The following NUP98 variants were observed in gnomAD, a reference collection of about 807,000 sequenced individuals.
NUP98 encodes nuclear pore complex protein Nup98-Nup96.
In NUP98, 26 loss-of-function variants were observed where a neutral mutation model predicts 191.9. That is an observed-to-expected ratio of 0.14 (90% CI 0.10 to 0.19). The LOEUF (loss-of-function observed/expected upper bound fraction) is 0.19, where lower values mean the gene tolerates loss of function less well. NUP98 is among the 10% of genes least tolerant of loss of function. The pLI is 1.00. For missense variants in NUP98, 1,941 were observed against 2,178.8 expected, an observed-to-expected ratio of 0.89 and a Z score of 2.17; for synonymous variants, 808 against 778.4, an observed-to-expected ratio of 1.04 and a Z score of -0.63.
intron 12 of NUP98, among the ~76,000 whole-genome samples, chr11:3,743,296 C>T (rs546289190): frequency 1.8e-4 from 27 of 149,134 alleles, no homozygotes; most frequent in African/African-American, 4.2e-4. Flanking sequence ...GGATTATAGG[C>T]GTGGGCCACC....
chr11:3,790,662 G>A (rs2082304359), intron 1 of NUP98, among the ~76,000 whole-genome samples: 1 of 152,102 alleles, frequency 6.6e-6, no homozygotes, highest in African/African-American at 2.4e-5. Flanking sequence ...ATTCTTCACT[G>A]TCACCCATTT....
At chr11:3,678,670 G>A (rs1177549106) in intron 31 of NUP98, among the ~76,000 whole-genome samples, 1 of 152,196 alleles carries the variant, frequency 6.6e-6, no homozygotes, top group Non-Finnish European at 1.5e-5. Context: ...AGTACAGCAG[G>A]CTAGCAAGGC....
In NUP98 at chr11:3,688,820, C is replaced by CATATATAT. The variant is rs71041372; in HGVS notation, c.4454+2519_4454+2526dup. ...AAATATATATATGTATTTAAATATA[C>CATATATAT]ATATATATATATATATATATATTTA... On this transcript the variant is annotated intron_variant, in intron 28 of 32. Coordinates refer to ENST00000324932, the MANE Select transcript of NUP98 (RefSeq NM_016320.5). Among the ~76,000 whole-genome samples the CATATATAT allele has an allele frequency of 7.5e-3, 1,024 of 136,244 alleles. 7 individuals are homozygous for CATATATAT. The highest frequency in any genetic ancestry group is 0.019 in the Middle Eastern group (5 of 264). The allele number at this position is 136,244 out of a possible 152,430, so 89.4% of individuals were successfully genotyped here. A position where few individuals can be genotyped will look rare whatever the true frequency, so the allele number is the denominator to read the frequency against.
chr11:3,700,722 A>G lies in NUP98; in HGVS notation c.3630T>C (p.Thr1210=), dbSNP rs748765885. Residue 1210 remains threonine, a synonymous_variant, in exon 24 of 33, where the codon ACT becomes ACC. Transcript: ENST00000324932. ...TPLELKLKHS[T]VHVDELCPLI... ...GAGGACACAGTTCATCCACATGGAC[A>G]GTGCTGTGTTTTAATTTGAGCTCCA... 6.2e-7 allele frequency: 1 copy of G among 1,613,842 alleles called. No individual in the cohort carries two copies. The highest frequency in any genetic ancestry group is 1.7e-5 in the Admixed American group (1 of 60,022).
At chr11:3,679,491 T>C in intron 31 of NUP98, 63 bp downstream of exon 31, 2 of 1,571,484 alleles carry the variant, frequency 1.3e-6, no homozygotes, top group South Asian at 1.1e-5. Context: ...CCTTGTGAGG[T>C]ATCTGAAGAT....
chr11:3,706,406 T>A, intron 21 of NUP98, 39 bp downstream of exon 21: 1 of 1,592,854 alleles, frequency 6.3e-7, no homozygotes, highest in African/African-American at 1.3e-5. Context: ...AAATATTAGT[T>A]TGGCTTTCTG....
At chr11:3,744,412 T>C (rs2080410082) in intron 12 of NUP98, 97 bp downstream of exon 12, 1 of 1,236,212 alleles carries the variant, frequency 8.1e-7, no homozygotes, top group African/African-American at 1.5e-5. Context: ...ATGTATGCAA[T>C]GCCTTGGTAG....
intron 7 of NUP98, among the ~76,000 whole-genome samples, chr11:3,771,064 T>C (rs1163744943): frequency 2.0e-5 from 3 of 152,186 alleles, no homozygotes; most frequent in Admixed American, 6.6e-5. Context: ...GGTTTTACCA[T>C]GTTGGCCAGG....
intron 17 of NUP98, 39 bp downstream of exon 17, chr11:3,720,673 C>T: frequency 9.0e-7 from 1 of 1,107,420 alleles, no homozygotes; most frequent in Middle Eastern, 2.0e-4. Context: ...TAAGGTGCAA[C>T]TCTCTGGCTT....
chr11:3,755,867 G>C (rs2080942519), intron 10 of NUP98, among the ~76,000 whole-genome samples: 1 of 152,004 alleles, frequency 6.6e-6, no homozygotes, highest in African/African-American at 2.4e-5. Context: ...GGGAGGCTGA[G>C]GCAGAGAGCT....
At position 3,676,252 on chromosome 11, in the gene NUP98, A is replaced by G. The variant is rs775073964; in HGVS notation, c.5310T>C (p.Ile1770=). ...RVPLRLLAPH[I]GRLPMPEDYA... ...AGTCCTCAGGCATGGGAAGCCGGCC[A>G]ATGTGGGGAGCCAAGAGGCGCAAAG... Residue 1770 remains isoleucine (I), a synonymous_variant, in exon 33 of 33, where the codon ATT becomes ATC. Coordinates refer to ENST00000324932, the MANE Select transcript of NUP98 (RefSeq NM_016320.5). 12 of 1,614,038 alleles carry G rather than the reference A, an allele frequency of 7.4e-6. No homozygotes were observed. Among genetic ancestry groups the G allele is most frequent in the Non-Finnish European group, 5.1e-6 (6 of 1,180,040 alleles).
Position 3,753,411 on chromosome 11 carries a change from A to G in NUP98, c.1175-3T>C. The stretch of plus-strand genomic sequence containing the variant: ...CCCACTGGTATTTGTGCCAAAACCT[A>G]GGAAGACAAAAGAATGAGTGGATTG... On this transcript the variant is annotated splice_polypyrimidine_tract_variant and splice_region_variant and intron_variant, in intron 10 of 32. Transcript: ENST00000324932. 2 of 1,610,454 alleles carry G rather than the reference A, an allele frequency of 1.2e-6. No individual in the cohort carries two copies. Among genetic ancestry groups the G allele is most frequent in the Non-Finnish European group, 1.7e-6 (2 of 1,176,900 alleles).
rs2080002761 is a variant in NUP98, at chr11:3,735,265, T to G, written c.1468A>C (p.Ser490Arg). The change falls in exon 13 of 33, where the codon AGT becomes CGT. Residue 490 changes from serine to arginine, a missense_variant. Transcript: ENST00000324932. ...TCTCCAAAAGGTGAGTATGTTAGAC[T>G]ATTGATGTGCTGCTGGAGAACAGCC... ...QQAVLQQHIN[S>R]LTYSPFGDSP... 1.3e-6 allele frequency: 2 copies of G among 1,596,032 alleles called. No individual in the cohort carries two copies. The highest frequency in any genetic ancestry group is 1.3e-5 in the African/African-American group (1 of 74,574).
At chr11:3,761,056 A>C (rs2081148695) in intron 9 of NUP98, among the ~76,000 whole-genome samples, 1 of 152,244 alleles carries the variant, frequency 6.6e-6, no homozygotes, top group Admixed American at 6.5e-5. Context: ...TAAGTGAAAG[A>C]CATCAATCAC....
At chr11:3,679,219 C>T (rs73426358) in intron 31 of NUP98, among the ~76,000 whole-genome samples, 1 of 151,798 alleles carries the variant, frequency 6.6e-6, no homozygotes, top group Admixed American at 6.6e-5. Context: ...AAACAGCTAT[C>T]CTCACCCTCA....
Position 3,779,192 on chromosome 11 carries a change from T to C in NUP98, c.142A>G (p.Thr48Ala), listed in dbSNP as rs757873912. The C allele has an allele frequency of 2.5e-6, 4 of 1,614,182 alleles. No homozygotes were observed. The highest frequency in any genetic ancestry group is 1.6e-4 in the Middle Eastern group (1 of 6,062). Residue 48 changes from threonine (T) to alanine (A), a missense_variant, in exon 3 of 33, where the codon ACT (threonine) becomes GCT (alanine). Transcript: ENST00000324932. ...TGTGAATTTCCAAAGAGGCCTCCAG[T>C]ATTGTTGCTAGAACCAAATGCAGAT... ...GTSAFGSSNN[T>A]GGLFGNSQTK...
chr11:3,738,087 C>CAAAAAAAA (rs61502115), intron 12 of NUP98, among the ~76,000 whole-genome samples: 8 of 69,736 alleles, frequency 1.1e-4, no homozygotes, highest in African/African-American at 3.5e-4. Context: ...TGGGCGTTCT[C>CAAAAAAAA]AAAAAAAAAA....
chr11:3,782,873 A>G (rs2082020595), intron 1 of NUP98, among the ~76,000 whole-genome samples: 1 of 152,064 alleles, frequency 6.6e-6, no homozygotes, highest in South Asian at 2.1e-4. Flanking sequence ...TTTATTTTCC[A>G]TAGTTTGCAT....
intron 20 of NUP98, 74 bp downstream of exon 20, chr11:3,712,490 G>T (rs1302411200): frequency 6.3e-7 from 1 of 1,596,072 alleles, no homozygotes; most frequent in South Asian, 1.1e-5. Context: ...AAACAGCTTT[G>T]TATTAGCTGA....
Sources: gnomAD v4.1 joint callset for allele counts (sites outside exome capture counted in the v4.1 genomes callset) on GRCh38, gnomAD v4.1.1 for gene constraint, MANE v1.5 for transcripts, NCBI Gene and HGNC (gene_info 2026-07-23, HGNC 2026-07-21) for gene names.